The following SUSD6 variants were observed in gnomAD, a reference collection of about 807,000 sequenced individuals.
SUSD6 encodes the protein sushi domain-containing protein 6.
SUSD6 carries 16 observed loss-of-function variants against 28.4 expected under a neutral mutation model. The ratio of observed to expected loss-of-function variants is 0.56; its 90% confidence interval spans 0.38 to 0.86. The LOEUF (loss-of-function observed/expected upper bound fraction) is 0.86. SUSD6 is among the 40% of genes least tolerant of loss of function. The pLI is 0.00. For missense variants in SUSD6, 341 were observed against 384.2 expected (o/e 0.89, Z 0.94); for synonymous variants, 147 against 159.6 (o/e 0.92, Z 0.59).
intron 2 of SUSD6, among the ~76,000 whole-genome samples, chr14:69,695,197 T>C (rs908753694): frequency 6.6e-6 from 1 of 152,036 alleles, no homozygotes; most frequent in African/African-American, 2.4e-5. Flanking sequence ...CTTGACTATT[T>C]GGCGGGATCG....
intron 1 of SUSD6, among the ~76,000 whole-genome samples, chr14:69,620,825 TTTAA>T (rs1376131977): frequency 6.6e-6 from 1 of 152,206 alleles, no homozygotes; most frequent in African/African-American, 2.4e-5. Context: ...ATATCCTATT[TTTAA>T]TTAAAAGAAA....
At chr14:69,650,922 G>A (rs1022889141) in intron 1 of SUSD6, among the ~76,000 whole-genome samples, 21 of 152,198 alleles carry the variant, frequency 1.4e-4, no homozygotes, top group South Asian at 2.1e-4. Context: ...GTAGGGATCC[G>A]TCTTGGGAAG....
chr14:69,647,405 G>C (rs932396523), intron 1 of SUSD6, among the ~76,000 whole-genome samples: 3 of 152,158 alleles, frequency 2.0e-5, no homozygotes, highest in African/African-American at 7.2e-5. Context: ...GCTGGCTGGT[G>C]GAGTGGGGGT....
chr14:69,690,938 CTT>C lies in SUSD6; in HGVS notation c.122-12454_122-12453del, dbSNP rs1455432215. 2.0e-5 allele frequency among the ~76,000 whole-genome samples: 3 copies of C among 152,282 alleles called. No homozygotes were observed. In the South Asian group the frequency reaches 6.2e-4, roughly 32 times the overall value. ...AAAAACCACACACCTTTTATTGTCT[CTT>C]TTGTATTTGTAGTCCCTGTCTCATG... On this transcript the variant is annotated intron_variant, in intron 2 of 5. Coordinates refer to ENST00000342745, the MANE Select transcript of SUSD6 (RefSeq NM_014734.4).
intron 1 of SUSD6, among the ~76,000 whole-genome samples, chr14:69,634,151 G>A (rs538415834): frequency 5.9e-5 from 9 of 152,370 alleles, no homozygotes; most frequent in African/African-American, 1.9e-4. Context: ...GGTGAGGCCA[G>A]ATGCCTCTGT....
chr14:69,703,906 G>GC (rs1414136412), intron 3 of SUSD6: 2 of 409,140 alleles, frequency 4.9e-6, no homozygotes, highest in Non-Finnish European at 9.0e-6. Context: ...TGAGCACAAT[G>GC]CTAATACCTT....
intron 1 of SUSD6, among the ~76,000 whole-genome samples, chr14:69,624,291 G>A (rs757428024): frequency 3.9e-5 from 6 of 152,156 alleles, no homozygotes; most frequent in Non-Finnish European, 5.9e-5. Context: ...ATGCCATTTA[G>A]GTTTATGTAA....
Position 69,682,357 on chromosome 14 carries a change from A to G in SUSD6, c.122-21038A>G, listed in dbSNP as rs149800282. On this transcript the variant is annotated intron_variant, in intron 2 of 5. Coordinates refer to ENST00000342745, the MANE Select transcript of SUSD6 (RefSeq NM_014734.4). ...GTCTCAAAAAAAGAGAGAAAGAAGAAGTGGTAAAATACAAGAAGTAATTAG... is the reference window on the plus strand; with the variant it reads ...GTCTCAAAAAAAGAGAGAAAGAAGAGGTGGTAAAATACAAGAAGTAATTAG... Among the ~76,000 whole-genome samples the G allele has an allele frequency of 5.6e-4, 86 of 152,292 alleles. 1 individual carries two copies. In the South Asian group the frequency reaches 0.01, roughly 18 times the overall value.
At chr14:69,665,856 T>C (rs1478917936) in intron 2 of SUSD6, among the ~76,000 whole-genome samples, 2 of 152,256 alleles carry the variant, frequency 1.3e-5, no homozygotes, top group Admixed American at 6.5e-5. Flanking sequence ...TGGATAATTT[T>C]TGTGACTTCA....
rs140763241 is a variant in SUSD6 at position 69,657,454 on chromosome 14, C to CAA, written c.-80-1050_-80-1049dup. 2.5e-3 allele frequency among the ~76,000 whole-genome samples: 371 copies of CAA among 145,888 alleles called. 2 individuals carry two copies. The highest frequency in any genetic ancestry group is 3.5e-3 in the Middle Eastern group (1 of 286). ...TGGGCAACAGAGCAAGACTGTGTCT[C>CAA]AAAAAAAAAACAAAATCAGATCTGG... On this transcript the variant is annotated intron_variant, in intron 1 of 5. Transcript: ENST00000342745.
At chr14:69,710,104 A>G (rs1462952352) in intron 5 of SUSD6, among the ~76,000 whole-genome samples, 2 of 152,206 alleles carry the variant, frequency 1.3e-5, no homozygotes, top group African/African-American at 4.8e-5. Context: ...TAGTTGACCC[A>G]GGTTTGAATC....
intron 5 of SUSD6, 126 bp from the exon 6 acceptor site, chr14:69,710,828 A>G: frequency 1.2e-6 from 1 of 860,538 alleles, no homozygotes; most frequent in East Asian, 2.4e-5. Flanking sequence ...GAAGTGTATG[A>G]GTGGGACATT....
At chr14:69,657,086 A>G (rs889029451) in intron 1 of SUSD6, among the ~76,000 whole-genome samples, 6 of 152,212 alleles carry the variant, frequency 3.9e-5, no homozygotes, top group Non-Finnish European at 7.4e-5. Context: ...GGACAGAGAC[A>G]ACTTACGTTG....
chr14:69,693,488 C>T (rs371954116), intron 2 of SUSD6, among the ~76,000 whole-genome samples: 1 of 152,168 alleles, frequency 6.6e-6, no homozygotes, highest in Non-Finnish European at 1.5e-5. Context: ...ACAACACCCC[C>T]CAAAGTGCTT....
chr14:69,624,060 C>A (rs1253674650), intron 1 of SUSD6, among the ~76,000 whole-genome samples: 1 of 152,206 alleles, frequency 6.6e-6, no homozygotes, highest in East Asian at 1.9e-4. Context: ...CACTCACTTA[C>A]CCAGGGCAAT....
chr14:69,653,418 G>A (rs886854667), intron 1 of SUSD6, among the ~76,000 whole-genome samples: 3 of 152,294 alleles, frequency 2.0e-5, no homozygotes, highest in Admixed American at 1.3e-4. Flanking sequence ...AGAATTCTGT[G>A]GCCTTAGAGC....
Position 69,703,483 on chromosome 14 carries a change from C to G in SUSD6, c.210C>G (p.Ile70Met), listed in dbSNP as rs778035218. 5.6e-6 allele frequency: 9 copies of G among 1,614,042 alleles called. No homozygotes were observed. The highest frequency in any genetic ancestry group is 1.3e-5 in the African/African-American group (1 of 74,918). Reference protein sequence around the residue: ...CRDPLTAGSVIEYLCAEGYML... With the variant: ...CRDPLTAGSVMEYLCAEGYML... ...ACCCCCTGACAGCAGGCAGTGTCAT[C>G]GAATACCTGTGTGCTGAAGGCTACA... The change falls in exon 3 of 6, where the codon ATC becomes ATG. Residue 70 changes from isoleucine to methionine, a missense_variant. Transcript: ENST00000342745.
At chr14:69,709,240 A>T (rs2139648902) in intron 5 of SUSD6, 136 bp downstream of exon 5, 1 of 822,374 alleles carries the variant, frequency 1.2e-6, no homozygotes, top group Middle Eastern at 2.6e-4. Flanking sequence ...TTTGCCTACA[A>T]AATAGAATTT....
At chr14:69,631,074 T>C (rs1355824551) in intron 1 of SUSD6, among the ~76,000 whole-genome samples, 1 of 152,262 alleles carries the variant, frequency 6.6e-6, no homozygotes, top group Non-Finnish European at 1.5e-5. Flanking sequence ...CAAAGCTTGC[T>C]GTGGCTTCAG....
Sources: gnomAD v4.1 joint callset for allele counts (sites outside exome capture counted in the v4.1 genomes callset) on GRCh38, gnomAD v4.1.1 for gene constraint, MANE v1.5 for transcripts, NCBI Gene and HGNC (gene_info 2026-07-23, HGNC 2026-07-21) for gene names.